The following ZNF462 variants were observed in gnomAD, a reference collection of about 807,000 sequenced individuals.
ZNF462 encodes zinc finger PBX1-interacting protein.
Under a neutral mutation model 201.9 loss-of-function variants are expected in ZNF462, and 10 were observed. The ratio of observed to expected loss-of-function variants is 0.05; its 90% CI spans 0.03 to 0.08. ZNF462 has a LOEUF of 0.08. ZNF462 is among the 10% of genes least tolerant of loss of function. The pLI is 1.00. For missense variants in ZNF462, 2,523 were observed against 3,168.3 expected (o/e 0.80, Z 4.89); for synonymous variants, 1,227 against 1,193.3 (o/e 1.03, Z -0.58).
At chr9:106,946,838 G>A (rs2131714970) in intron 7 of ZNF462, among the ~76,000 whole-genome samples, 2 of 152,050 alleles carry the variant, frequency 1.3e-5, no homozygotes, top group South Asian at 2.1e-4. Context: ...ATAAAAGTGG[G>A]AGGTGAGAAT....
Position 106,863,183 on chromosome 9 carries a change from G to C in ZNF462, c.-203G>C, listed in dbSNP as rs1399939694. On this transcript the variant is annotated 5_prime_UTR_variant, in exon 1 of 13. Transcript: ENST00000277225. ...GCTGCAGCGAGTCTGAGGAGCCGAG[G>C]AAGGCAGGGAAGATGGCGATCCTCC... is the stretch of plus-strand genomic sequence containing the variant. The C allele has an allele frequency of 1.5e-5, 6 of 399,070 alleles. No individual in the cohort carries two copies. Among genetic ancestry groups the C allele is most frequent in the Non-Finnish European group, 2.2e-5 (5 of 226,312 alleles). The allele number at this position is 399,070 out of a possible 1,614,324, so 24.7% of individuals were successfully genotyped here.
chr9:106,930,066 G>A lies in ZNF462; in HGVS notation c.5847+307G>A, dbSNP rs145121194. 5.3e-5 allele frequency among the ~76,000 whole-genome samples: 8 copies of A among 152,180 alleles called. No homozygotes were observed. Among genetic ancestry groups the A allele is most frequent in the African/African-American group, 1.7e-4 (7 of 41,516 alleles). Reference sequence around the variant, plus strand: ...ATCTGAAGCCTAGTTTTACAACAACGCTCGCTCTTTCCTAAGGCAGTGTGG... The same window carrying A: ...ATCTGAAGCCTAGTTTTACAACAACACTCGCTCTTTCCTAAGGCAGTGTGG... On this transcript the variant is annotated intron_variant, in intron 3 of 12. Transcript: ENST00000277225. This position sits in a 1 kb window ranked among gnomAD's most constrained non-coding sequence, Gnocchi z 5.8.
At chr9:106,989,578 T>G (rs918995949) in intron 10 of ZNF462, among the ~76,000 whole-genome samples, 10 of 152,116 alleles carry the variant, frequency 6.6e-5, no homozygotes, top group African/African-American at 2.4e-4. Flanking sequence ...GGGTTCCCTC[T>G]TTCTCTATCT....
rs530657551 is a variant in ZNF462 at position 106,886,542 on chromosome 9, A to C, written c.-31+23187A>C. ...AATATACAACAATGTCAGCTACAAA[A>C]AAAATAGAAGAGATAGGGTCTGAAA... is the stretch of plus-strand genomic sequence containing the variant. On this transcript the variant is annotated intron_variant, in intron 1 of 12. Transcript: ENST00000277225. This position sits in a 1 kb window ranked among gnomAD's most constrained non-coding sequence, Gnocchi z 4.6. 2.4e-4 allele frequency among the ~76,000 whole-genome samples: 37 copies of C among 152,274 alleles called. No homozygotes were observed. Among genetic ancestry groups the C allele is most frequent in the Non-Finnish European group, 4.3e-4 (29 of 68,022 alleles).
Position 106,890,425 on chromosome 9 carries a change from T to A in ZNF462, c.-31+27070T>A, listed in dbSNP as rs1828525102. Among the ~76,000 whole-genome samples, 1 of 152,218 alleles carries A rather than the reference T, an allele frequency of 6.6e-6. No individual in the cohort carries two copies. The highest frequency in any genetic ancestry group is 1.5e-5 in the Non-Finnish European group (1 of 68,038). On this transcript the variant is annotated intron_variant, in intron 1 of 12. Coordinates refer to ENST00000277225, the MANE Select transcript of ZNF462 (RefSeq NM_021224.6). This position sits in a 1 kb window ranked among gnomAD's most constrained non-coding sequence, Gnocchi z 4.2. ...CTTCATTTCCTTCTGGAGTCCTTTT[T>A]GGGCATACAAAAATCTAGCACTTGA...
chr9:106,953,494 G>A (rs1831443683), intron 7 of ZNF462, among the ~76,000 whole-genome samples: 1 of 152,044 alleles, frequency 6.6e-6, no homozygotes, highest in Admixed American at 6.6e-5. Flanking sequence ...CCTTCCTCCT[G>A]GGGAAATTCT....
At chr9:106,869,435 A>AGGGTGCAAT (rs1827491451) in intron 1 of ZNF462, among the ~76,000 whole-genome samples, 1 of 152,258 alleles carries the variant, frequency 6.6e-6, no homozygotes, top group Non-Finnish European at 1.5e-5. Flanking sequence ...CCTGTAAGGA[A>AGGGTGCAAT]GGGTGCAATG....
intron 7 of ZNF462, among the ~76,000 whole-genome samples, chr9:106,947,820 A>G (rs1831175653): frequency 1.3e-5 from 2 of 152,170 alleles, no homozygotes; most frequent in Non-Finnish European, 2.9e-5. Context: ...CACATACCCA[A>G]GAAATGATCC....
chr9:106,972,908 A>C lies in ZNF462; in HGVS notation c.6695+636A>C, dbSNP rs1372130678. 6.6e-6 allele frequency among the ~76,000 whole-genome samples: 1 copy of C among 152,200 alleles called. No homozygotes were observed. The highest frequency in any genetic ancestry group is 1.5e-5 in the Non-Finnish European group (1 of 68,038). ...GATGTAATCTAAGCTTCTGCATTTG[A>C]ATCTCATCCTGTGAGATAGCGTTTA... On this transcript the variant is annotated intron_variant, in intron 8 of 12. Transcript: ENST00000277225. This position sits in a 1 kb window ranked among gnomAD's most constrained non-coding sequence, Gnocchi z 4.8.
chr9:106,900,252 G>A (rs371742164), intron 1 of ZNF462, among the ~76,000 whole-genome samples: 169 of 119,768 alleles, frequency 1.4e-3, no homozygotes, highest in African/African-American at 5.3e-3. Context: ...GTGTGTGTGT[G>A]TATCTCACAG....
intron 7 of ZNF462, among the ~76,000 whole-genome samples, chr9:106,965,366 T>TAG (rs397963144): frequency 6.6e-6 from 1 of 151,808 alleles, no homozygotes; most frequent in Non-Finnish European, 1.5e-5. Context: ...AGTAATGATA[T>TAG]GTATGCTGGC....
intron 7 of ZNF462, among the ~76,000 whole-genome samples, chr9:106,958,017 T>TAG (rs942880856): frequency 1.3e-5 from 2 of 152,134 alleles, no homozygotes; most frequent in African/African-American, 2.4e-5. Context: ...TAGAAACAGT[T>TAG]AGATGAACAG....
chr9:106,974,002 T>C lies in ZNF462; in HGVS notation c.6696-135T>C, dbSNP rs1010593345. The C allele has an allele frequency of 5.8e-5, 69 of 1,187,316 alleles. No individual in the cohort carries two copies. The highest frequency in any genetic ancestry group is 7.3e-5 in the Non-Finnish European group (61 of 837,974). The allele number at this position is 1,187,316 out of a possible 1,614,324, so 73.5% of individuals were successfully genotyped here. ...GTTTCTGGGTGGTCAACAAACATGA[T>C]GAACAGATTTTTTTTTAGCCCCACA... On this transcript the variant is annotated intron_variant, in intron 8 of 12. Transcript: ENST00000277225. This position sits in a 1 kb window ranked among gnomAD's most constrained non-coding sequence, Gnocchi z 4.0.
intron 1 of ZNF462, among the ~76,000 whole-genome samples, chr9:106,922,067 T>C (rs1588057934): frequency 1.3e-5 from 2 of 152,358 alleles, no homozygotes; most frequent in South Asian, 4.1e-4. Context: ...TGATGGCTCC[T>C]TTCACTACAT....
At chr9:106,939,509 A>G (rs1830776609) in intron 7 of ZNF462, among the ~76,000 whole-genome samples, 1 of 152,234 alleles carries the variant, frequency 6.6e-6, no homozygotes, top group South Asian at 2.1e-4. Flanking sequence ...ACAGGTATGT[A>G]CATTAATGAC....
intron 1 of ZNF462, among the ~76,000 whole-genome samples, chr9:106,900,693 G>A (rs1588024353): frequency 6.6e-6 from 1 of 152,252 alleles, no homozygotes; most frequent in Middle Eastern, 3.4e-3. Context: ...CTTCTTTTGA[G>A]AATTGGCTAT....
chr9:106,961,942 A>G (rs1831861236), intron 7 of ZNF462, among the ~76,000 whole-genome samples: 1 of 152,034 alleles, frequency 6.6e-6, no homozygotes, highest in Non-Finnish European at 1.5e-5. Context: ...ATAAAAAGTG[A>G]ATATTAGAAG....
intron 7 of ZNF462, 49 bp downstream of exon 7, chr9:106,939,156 G>A: frequency 6.9e-7 from 1 of 1,450,342 alleles, no homozygotes; most frequent in Non-Finnish European, 9.2e-7. Context: ...GTTGAGGTGG[G>A]CTGGGATTCA....
At chr9:106,864,061 T>G (rs865943027) in intron 1 of ZNF462, among the ~76,000 whole-genome samples, 15 of 92,106 alleles carry the variant, frequency 1.6e-4, no homozygotes, top group African/African-American at 3.5e-4. Flanking sequence ...TCTCTCTCTC[T>G]CTCTCTCTCT....
Sources: allele counts gnomAD v4.1 joint callset (sites outside exome capture counted in the v4.1 genomes callset), GRCh38; gene constraint gnomAD v4.1.1; non-coding constraint Gnocchi (gnomAD v3.1); transcripts MANE v1.5; gene names NCBI Gene and HGNC (gene_info 2026-07-23, HGNC 2026-07-21).